Variants in ALKAL2 observed in about 807,000 individuals in gnomAD.
The protein encoded by ALKAL2 is ALK and LTK ligand 2, also known as AUG-alpha.
A neutral mutation model predicts 18.5 loss-of-function variants in ALKAL2; 8 were observed. The observed-to-expected ratio is 0.43, with a 90% CI of 0.25 to 0.78. ALKAL2 has a LOEUF of 0.78. ALKAL2 is among the 30% of genes least tolerant of loss of function. The pLI is 0.22. For missense variants in ALKAL2, 241 were observed against 211.2 expected (o/e 1.14, Z -0.88); for synonymous variants, 135 against 95.8 (o/e 1.41, Z -2.39).
Position 287,783 on chromosome 2 carries a change from G to A in ALKAL2, c.53C>T (p.Ala18Val), listed in dbSNP as rs781215722. The A allele has an allele frequency of 5.8e-5, 74 of 1,284,646 alleles. No homozygotes were observed. Among genetic ancestry groups the A allele is most frequent in the African/African-American group, 9.5e-5 (6 of 62,884 alleles). The allele number at this position is 1,284,646 out of a possible 1,614,324, so 79.6% of individuals were successfully genotyped here. ...LLLGLLLVLG[A>V]AGRGRGGAEP... The stretch of plus-strand genomic sequence containing the variant: ...CGCGCCCCCCCGGCCGCGCCCCGCC[G>A]CCCCCAGCACCAGCAGCAGCCCCAG... The change falls in exon 2 of 6, where the codon GCG becomes GTG. Residue 18 changes from alanine (A) to valine (V), a missense_variant. Coordinates refer to ENST00000403610, the MANE Select transcript of ALKAL2 (RefSeq NM_001002919.3).
At chr2:287,420 G>T (rs778437683) in intron 2 of ALKAL2, 163 bp downstream of exon 2, 3 of 533,700 alleles carry the variant, frequency 5.6e-6, no homozygotes, top group African/African-American at 2.0e-5. Flanking sequence ...CCTCATGCGC[G>T]GACCTATTGC....
intron 4 of ALKAL2, 189 bp downstream of exon 4, chr2:285,934 G>T: frequency 1.8e-6 from 1 of 565,620 alleles, no homozygotes. Flanking sequence ...TTTCCAGTTT[G>T]GCGTTAGCTG....
chr2:282,763 G>A (rs1486322431), intron 5 of ALKAL2, among the ~76,000 whole-genome samples: 1 of 152,226 alleles, frequency 6.6e-6, no homozygotes, highest in Non-Finnish European at 1.5e-5. Context: ...CTACTCACTT[G>A]TGTTAGTGAA....
intron 2 of ALKAL2, chr2:286,581 T>C (rs142062160): frequency 4.1e-4 from 188 of 461,174 alleles, no homozygotes; most frequent in African/African-American, 3.5e-3. Flanking sequence ...TTATGTCGGC[T>C]GTCTACCCCG....
chr2:285,477 A>G (rs1394908424), intron 4 of ALKAL2, among the ~76,000 whole-genome samples: 1 of 152,234 alleles, frequency 6.6e-6, no homozygotes, highest in Non-Finnish European at 1.5e-5. Context: ...TTAGGGCCCT[A>G]TCACTGTAGC....
At position 279,920 on chromosome 2, in the gene ALKAL2, T is replaced by G. The variant is rs1670281294; in HGVS notation, c.*227A>C. ...CAAATGTGGAGCATTCCTTTTGTGT[T>G]TTTTTTTTAAATAAGTGACAGATAA... On this transcript the variant is annotated 3_prime_UTR_variant, in exon 6 of 6. Transcript: ENST00000403610. 6.0e-6 allele frequency: 3 copies of G among 501,828 alleles called. No homozygotes were observed. The highest frequency in any genetic ancestry group is 1.9e-5 in the African/African-American group (1 of 52,690). 31.1% of individuals were successfully genotyped at this position (501,828 alleles called of 1,614,324 possible).
At chr2:281,718 A>C (rs779300973) in intron 5 of ALKAL2, among the ~76,000 whole-genome samples, 14 of 152,000 alleles carry the variant, frequency 9.2e-5, no homozygotes, top group Admixed American at 6.6e-5. Context: ...CTCACTTGTA[A>C]GTAAGTGGAA....
intron 4 of ALKAL2, among the ~76,000 whole-genome samples, chr2:285,556 T>C (rs769745412): frequency 3.3e-5 from 5 of 152,174 alleles, no homozygotes; most frequent in African/African-American, 1.2e-4. Context: ...TATGAATAAA[T>C]AGCCAAAAGC....
At chr2:283,407 A>AGCGGAGGGAAGAGGGACAGAC in intron 4 of ALKAL2, 1 of 985,422 alleles carries the variant, frequency 1.0e-6, no homozygotes, top group Non-Finnish European at 1.2e-6. Flanking sequence ...TAAGTGGGGC[A>AGCGGAGGGAAGAGGGACAGAC]GCGGAGGGAA....
chr2:286,330 T>G lies in ALKAL2; in HGVS notation c.267A>C (p.Arg89=), dbSNP rs778099545. 21 of 1,610,514 alleles carry G rather than the reference T, an allele frequency of 1.3e-5. No individual in the cohort carries two copies. The South Asian group carries it at 2.0e-4, about 15-fold the overall frequency. The change falls in exon 3 of 6, where the codon CGA becomes CGC. Residue 89 remains arginine, a synonymous_variant. Transcript: ENST00000403610. The stretch of plus-strand genomic sequence containing the variant: ...GAAACTTGTCCTTCATCCTCAGATC[T>G]CGAGGAACAATTTCTGTTTCAGGGA... ...SPEQRVEIVP[R]DLRMKDKFLK...
At chr2:281,766 CTG>C (rs779504854) in intron 5 of ALKAL2, among the ~76,000 whole-genome samples, 63 of 151,414 alleles carry the variant, frequency 4.2e-4, no homozygotes, top group Non-Finnish European at 7.8e-4. Context: ...TCTGGGAACA[CTG>C]TGTTTAATTA....
chr2:287,448 TAAAA>T (rs67240058), intron 2 of ALKAL2, 131 bp downstream of exon 2: 89,457 of 430,830 alleles, frequency 0.21, 192 homozygotes, highest in Middle Eastern at 0.26. Context: ...TTCTTTTTCT[TAAAA>T]AAAAAAAAAA....
At chr2:285,835 A>C in intron 4 of ALKAL2, 1 of 371,402 alleles carries the variant, frequency 2.7e-6, no homozygotes, top group East Asian at 5.4e-5. Flanking sequence ...TAGAGTACAC[A>C]CAAACATGGG....
chr2:282,463 A>G (rs1453301918), intron 5 of ALKAL2, among the ~76,000 whole-genome samples: 1 of 152,260 alleles, frequency 6.6e-6, no homozygotes, highest in Non-Finnish European at 1.5e-5. Flanking sequence ...CCTGCTGTCT[A>G]AAGTGACTGG....
intron 4 of ALKAL2, among the ~76,000 whole-genome samples, chr2:284,341 A>C (rs1007711107): frequency 2.0e-5 from 3 of 152,352 alleles, no homozygotes; most frequent in African/African-American, 4.8e-5. Context: ...GATGGGACTT[A>C]GTTCTGCATT....
intron 5 of ALKAL2, among the ~76,000 whole-genome samples, chr2:280,774 T>C (rs1263973505): frequency 1.3e-5 from 2 of 152,098 alleles, no homozygotes; most frequent in Admixed American, 1.3e-4. Flanking sequence ...GTGGGGACAT[T>C]GTTCTCTTTG....
At chr2:285,438 A>G (rs1670478188) in intron 4 of ALKAL2, among the ~76,000 whole-genome samples, 1 of 152,134 alleles carries the variant, frequency 6.6e-6, no homozygotes. Context: ...AATAAAATCA[A>G]AGTTGGAGTC....
chr2:279,947 A>G lies in ALKAL2; in HGVS notation c.*200T>C. ...TTTTTTTAAATAAGTGACAGATAAC[A>G]CTGTCAAGTACACTGATTTATCGAA... On this transcript the variant is annotated 3_prime_UTR_variant, in exon 6 of 6. Coordinates refer to ENST00000403610, the MANE Select transcript of ALKAL2 (RefSeq NM_001002919.3). The G allele has an allele frequency of 1.8e-6, 1 of 556,412 alleles. No individual in the cohort carries two copies. The highest frequency in any genetic ancestry group is 2.7e-5 in the East Asian group (1 of 37,376). The allele number at this position is 556,412 out of a possible 1,614,324, so 34.5% of individuals were successfully genotyped here. A position where few individuals can be genotyped will look rare whatever the true frequency, so the allele number is the denominator to read the frequency against.
intron 4 of ALKAL2, chr2:283,394 A>T (rs1670413949): frequency 1.0e-6 from 1 of 985,280 alleles, no homozygotes; most frequent in Admixed American, 6.2e-5. Flanking sequence ...AAGTCGGATG[A>T]TGTAAGTGGG....
Sources: gnomAD v4.1 joint callset for allele counts (sites outside exome capture counted in the v4.1 genomes callset) on GRCh38, gnomAD v4.1.1 for gene constraint, MANE v1.5 for transcripts, NCBI Gene and HGNC (gene_info 2026-07-23, HGNC 2026-07-21) for gene names.